RARB: variants seen among roughly 807,000 people sequenced by gnomAD.
RARB encodes the protein HBV-activated protein.
In RARB, 17 loss-of-function variants were observed where a neutral mutation model predicts 51.9. The ratio of observed to expected loss-of-function variants is 0.33; its 90% CI spans 0.22 to 0.49. The LOEUF is 0.49. RARB is among the 20% of genes least tolerant of loss of function. The probability of loss-of-function intolerance (pLI) is 0.99; values close to 1 mark genes in which losing one functional copy is unlikely to be tolerated. For synonymous variants in RARB, 215 were observed against 195.4 expected, an observed-to-expected ratio of 1.10 and a Z score of -0.84; for missense variants, 369 against 550.8, an observed-to-expected ratio of 0.67 and a Z score of 3.30.
At chr3:25,494,909 A>C (rs1469655203) in intron 2 of RARB, among the ~76,000 whole-genome samples, 1 of 152,366 alleles carries the variant, frequency 6.6e-6, no homozygotes, top group Admixed American at 6.5e-5. Context: ...GACGCCTGCT[A>C]TGTGGCCAGA....
chr3:25,160,093 C>A (rs2196466), intron 4 of RARB, among the ~76,000 whole-genome samples: 71,570 of 151,924 alleles, frequency 0.47, 17,645 homozygotes, highest in East Asian at 0.69. Context: ...GTGCAAGAAC[C>A]CTGTCATTCT....
At chr3:25,540,865 G>C (rs1415545333) in intron 3 of RARB, among the ~76,000 whole-genome samples, 1 of 146,924 alleles carries the variant, frequency 6.8e-6, no homozygotes, top group Non-Finnish European at 1.5e-5. Flanking sequence ...GGCTCATTCA[G>C]GTCATGGTGG....
chr3:25,068,597 G>C (rs904726857), intron 3 of RARB, among the ~76,000 whole-genome samples: 2 of 152,128 alleles, frequency 1.3e-5, no homozygotes, highest in Admixed American at 6.5e-5. Context: ...TTGTTAGCTA[G>C]TGCTTTCTTC....
intron 1 of RARB, among the ~76,000 whole-genome samples, chr3:24,856,045 T>C (rs559711469): frequency 6.8e-6 from 1 of 147,146 alleles, no homozygotes; most frequent in Non-Finnish European, 1.5e-5. Flanking sequence ...CCACTGCGCC[T>C]GGCCTGAAAT....
intron 2 of RARB, among the ~76,000 whole-genome samples, chr3:25,500,317 G>A (rs1299993484): frequency 6.6e-6 from 1 of 151,928 alleles, no homozygotes; most frequent in African/African-American, 2.4e-5. Flanking sequence ...TTTATTTCTT[G>A]TTTCCAATTT....
intron 5 of RARB, among the ~76,000 whole-genome samples, chr3:25,586,417 C>G (rs958495407): frequency 6.6e-6 from 1 of 152,028 alleles, no homozygotes; most frequent in Non-Finnish European, 1.5e-5. Context: ...GTTCCAGGCT[C>G]GAAAGGGGGA....
intron 5 of RARB, among the ~76,000 whole-genome samples, chr3:25,382,371 T>C (rs1464460057): frequency 6.6e-6 from 1 of 151,298 alleles, no homozygotes; most frequent in African/African-American, 2.4e-5. Flanking sequence ...TTAGGGCAAA[T>C]CACTGTGTGC....
At chr3:25,250,259 A>G (rs779710999) in intron 5 of RARB, among the ~76,000 whole-genome samples, 4 of 152,142 alleles carry the variant, frequency 2.6e-5, no homozygotes. Flanking sequence ...ATGCTTGTGC[A>G]TGGATGATGC....
chr3:25,454,858 T>C (rs994145806), intron 1 of RARB, among the ~76,000 whole-genome samples: 1 of 152,248 alleles, frequency 6.6e-6, no homozygotes, highest in Non-Finnish European at 1.5e-5. Flanking sequence ...TATACTGTGT[T>C]TTCTCAGGTG....
chr3:24,873,688 T>C lies in RARB; in HGVS notation c.-380+14936T>C, dbSNP rs1474227994. Among the ~76,000 whole-genome samples the C allele has an allele frequency of 2.6e-5, 4 of 152,062 alleles. No homozygotes were observed. In the South Asian group the frequency reaches 8.3e-4, roughly 31 times the overall value. On this transcript the variant is annotated intron_variant, in intron 2 of 11. Transcript: ENST00000383772. ...CCTTTTTTTTTTCTAGATATACATATAATTTACAGCTATAAATTTTCCCCA... is the reference window on the plus strand; with the variant it reads ...CCTTTTTTTTTTCTAGATATACATACAATTTACAGCTATAAATTTTCCCCA...
At chr3:25,256,805 GAA>G (rs77197118) in intron 5 of RARB, among the ~76,000 whole-genome samples, 4 of 149,020 alleles carry the variant, frequency 2.7e-5, no homozygotes, top group African/African-American at 7.4e-5. Flanking sequence ...TTAAAGTATG[GAA>G]AAAAAAAATA....
At chr3:25,221,519 G>A (rs75313592) in intron 5 of RARB, among the ~76,000 whole-genome samples, 2,991 of 152,172 alleles carry the variant, frequency 0.02, 53 homozygotes, top group Middle Eastern at 0.044. Flanking sequence ...TGTTTTTCTC[G>A]CTTTCCTAGA....
intron 2 of RARB, among the ~76,000 whole-genome samples, chr3:24,877,566 G>A (rs1703071495): frequency 6.6e-6 from 1 of 152,030 alleles, no homozygotes; most frequent in Non-Finnish European, 1.5e-5. Context: ...CAAGACCACA[G>A]CCAAGATACC....
Position 24,970,270 on chromosome 3 carries a change from A to G in RARB, c.-379-89855A>G, listed in dbSNP as rs115749985. On this transcript the variant is annotated intron_variant, in intron 2 of 11. Transcript: ENST00000383772. ...GCAATCAGCAAAGCAAAGAACGTGT[A>G]TTTTCTAAGAAAGTTTGAGGTGTAG... Among the ~76,000 whole-genome samples, 564 of 152,162 alleles carry G rather than the reference A, an allele frequency of 3.7e-3. 4 individuals carry two copies. The highest frequency in any genetic ancestry group is 0.013 in the African/African-American group (543 of 41,550).
intron 5 of RARB, among the ~76,000 whole-genome samples, chr3:25,306,609 T>C (rs1704158094): frequency 6.6e-6 from 1 of 152,162 alleles, no homozygotes; most frequent in Non-Finnish European, 1.5e-5. Context: ...ACATATTGAT[T>C]TTCTGGCACT....
chr3:25,536,013 G>A (rs1354029111), intron 3 of RARB, among the ~76,000 whole-genome samples: 1 of 152,152 alleles, frequency 6.6e-6, no homozygotes, highest in Non-Finnish European at 1.5e-5. Context: ...AAAGCTATTA[G>A]CGAAGGTGAG....
intron 1 of RARB, among the ~76,000 whole-genome samples, chr3:24,840,372 C>T (rs1357207614): frequency 6.6e-6 from 1 of 152,126 alleles, no homozygotes; most frequent in African/African-American, 2.4e-5. Flanking sequence ...TCAGTTGATC[C>T]TCCATTGCTT....
At chr3:25,369,065 GTAGGTCAAGATCATAGTT>G (rs1412801349) in intron 5 of RARB, among the ~76,000 whole-genome samples, 1 of 152,160 alleles carries the variant, frequency 6.6e-6, no homozygotes, top group Non-Finnish European at 1.5e-5. Flanking sequence ...GGAGAGAGGA[GTAGGTCAAGATCATAGTT>G]TCCACTTTTA....
At chr3:25,251,074 T>G (rs916866136) in intron 5 of RARB, among the ~76,000 whole-genome samples, 2 of 152,120 alleles carry the variant, frequency 1.3e-5, no homozygotes, top group African/African-American at 4.8e-5. Context: ...TGCTTGCTGT[T>G]TAGGTTCTTT....
Sources: allele counts gnomAD v4.1 joint callset (sites outside exome capture counted in the v4.1 genomes callset), GRCh38; gene constraint gnomAD v4.1.1; transcripts MANE v1.5; gene names NCBI Gene and HGNC (gene_info 2026-07-23, HGNC 2026-07-21).